The following PDGFRB variants were observed in gnomAD, a reference collection of about 807,000 sequenced individuals.
PDGFRB encodes platelet-derived growth factor receptor beta.
Under a neutral mutation model 120.2 loss-of-function variants are expected in PDGFRB, and 42 were observed. The observed-to-expected ratio is 0.35, with a 90% CI of 0.27 to 0.45. The LOEUF is 0.45. Among genes scored for constraint, PDGFRB ranks in the 20% least tolerant of loss-of-function variants. The pLI is 1.00. For synonymous variants in PDGFRB, 586 were observed against 606.8 expected (o/e 0.97, Z 0.50); for missense variants, 1,149 against 1,476.3 (o/e 0.78, Z 3.63).
At chr5:150,118,926 G>GCCTC in intron 20 of PDGFRB, 74 bp from the exon 21 acceptor site, 3 of 860,048 alleles carry the variant, frequency 3.5e-6, no homozygotes, top group Non-Finnish European at 5.7e-6. Flanking sequence ...GGAGCAGGAG[G>GCCTC]CTGCTGCCTC....
At chr5:150,130,496 G>A in intron 9 of PDGFRB, 43 bp downstream of exon 9, 1 of 1,593,100 alleles carries the variant, frequency 6.3e-7, no homozygotes. Flanking sequence ...GCTTTTTCTA[G>A]CCAGCTGGGG....
At position 150,132,728 on chromosome 5, in the gene PDGFRB, G is replaced by A. The variant is rs1046381154; in HGVS notation, c.1127+22C>T. 1.2e-6 allele frequency: 2 copies of A among 1,604,316 alleles called. No individual in the cohort carries two copies. Among genetic ancestry groups the A allele is most frequent in the Non-Finnish European group, 1.7e-6 (2 of 1,173,804 alleles). The stretch of plus-strand genomic sequence containing the variant: ...CAAAGAAAAATAACTTCAAGAATGG[G>A]ATGGGAGAGCGAGCTGCTCACCGGG... On this transcript the variant is annotated intron_variant, in intron 7 of 22. Transcript: ENST00000261799. This position sits in a 1 kb window ranked among gnomAD's most constrained non-coding sequence, Gnocchi z 5.0.
rs550337874 is a variant in PDGFRB, at chr5:150,135,754, C to T, written c.165G>A (p.Ser55=). 63 of 1,613,834 alleles carry T rather than the reference C, an allele frequency of 3.9e-5. No homozygotes were observed. Among genetic ancestry groups the T allele is most frequent in the African/African-American group, 5.3e-5 (4 of 74,924 alleles). The part of the protein sequence containing the change: ...NVSSTFVLTC[S]GSAPVVWERM... ...GTTCCCACACCACCGGAGCTGAACCCGAGCAGGTCAGAACGAAGGTGCTGG... is the reference window on the plus strand; with the variant it reads ...GTTCCCACACCACCGGAGCTGAACCTGAGCAGGTCAGAACGAAGGTGCTGG... Residue 55 remains serine, a synonymous_variant, in exon 3 of 23, where the codon TCG becomes TCA. Coordinates refer to ENST00000261799, the MANE Select transcript of PDGFRB (RefSeq NM_002609.4).
chr5:150,144,675 C>T (rs532495020), intron 1 of PDGFRB, among the ~76,000 whole-genome samples: 1 of 152,178 alleles, frequency 6.6e-6, no homozygotes, highest in African/African-American at 2.4e-5. Flanking sequence ...CGTGGGAAAG[C>T]GCTCAGTGTG....
At chr5:150,151,067 T>C (rs1349277295) in intron 1 of PDGFRB, among the ~76,000 whole-genome samples, 1 of 152,146 alleles carries the variant, frequency 6.6e-6, no homozygotes, top group Non-Finnish European at 1.5e-5. Flanking sequence ...TTATTGCAGG[T>C]TAAAGTTTTC....
chr5:150,135,396 G>A (rs1281682471), intron 3 of PDGFRB, among the ~76,000 whole-genome samples, 159 bp downstream of exon 3: 1 of 152,084 alleles, frequency 6.6e-6, no homozygotes, highest in Non-Finnish European at 1.5e-5. Context: ...AGGAGTGGGT[G>A]CGAACACACT....
At chr5:150,136,631 G>T (rs1400961040) in intron 2 of PDGFRB, among the ~76,000 whole-genome samples, 1 of 152,120 alleles carries the variant, frequency 6.6e-6, no homozygotes, top group African/African-American at 2.4e-5. Context: ...TGAGGGGTGG[G>T]GTGTGCTGAG....
At chr5:150,149,485 G>C (rs1455612798) in intron 1 of PDGFRB, among the ~76,000 whole-genome samples, 1 of 152,090 alleles carries the variant, frequency 6.6e-6, no homozygotes, top group Non-Finnish European at 1.5e-5. Flanking sequence ...GAGGCCATCT[G>C]TCTGTCTCCA....
intron 4 of PDGFRB, among the ~76,000 whole-genome samples, chr5:150,134,409 A>G (rs1454993047): frequency 6.6e-6 from 1 of 152,214 alleles, no homozygotes; most frequent in Non-Finnish European, 1.5e-5. Context: ...GAGGGGAAGC[A>G]GGCTCAGAGA....
chr5:150,148,559 G>A (rs964732375), intron 1 of PDGFRB, among the ~76,000 whole-genome samples: 2 of 152,254 alleles, frequency 1.3e-5, no homozygotes, highest in Non-Finnish European at 2.9e-5. Context: ...GCAGGGATGG[G>A]AGCCCCGCCA....
rs1760654956 is a variant in PDGFRB, at chr5:150,137,070, G to T, written c.-6-17C>A. The T allele has an allele frequency of 1.2e-6, 2 of 1,610,970 alleles. No individual in the cohort carries two copies. The highest frequency in any genetic ancestry group is 4.5e-5 in the East Asian group (2 of 44,716). On this transcript the variant is annotated splice_polypyrimidine_tract_variant and intron_variant, in intron 1 of 22. Transcript: ENST00000261799. ...CATGGTGTCCTGCAGAGTTAAACAG[G>T]AGTCAGGGCCCAGGGCAGGTGGAGG... is the stretch of plus-strand genomic sequence containing the variant.
At chr5:150,135,929 T>C in intron 2 of PDGFRB, 51 bp from the exon 3 acceptor site, 1 of 1,359,990 alleles carries the variant, frequency 7.4e-7, no homozygotes, top group Non-Finnish European at 1.0e-6. Flanking sequence ...TCAGCACCTC[T>C]CCCAAGGCTG....
rs758716027 is a variant in PDGFRB, at chr5:150,124,320, C to T, written c.1953G>A (p.Glu651=). The stretch of plus-strand genomic sequence containing the variant: ...GCCCAAGGTGACTCATGATCTTCAG[C>T]TCCGACATAAGGGCTTGCTTCTCAC... The part of the protein sequence containing the change: ...RSSEKQALMS[E]LKIMSHLGPH... The change falls in exon 14 of 23, where the codon GAG becomes GAA. Residue 651 remains glutamate (E), a synonymous_variant. Coordinates refer to ENST00000261799, the MANE Select transcript of PDGFRB (RefSeq NM_002609.4). The T allele has an allele frequency of 2.5e-6, 4 of 1,614,076 alleles. No individual in the cohort carries two copies. The highest frequency in any genetic ancestry group is 3.3e-5 in the Admixed American group (2 of 60,002).
chr5:150,150,998 C>T (rs767697377), intron 1 of PDGFRB, among the ~76,000 whole-genome samples: 73 of 152,224 alleles, frequency 4.8e-4, no homozygotes, highest in Non-Finnish European at 7.2e-4. Context: ...GCCCTCTGAG[C>T]TCCTCAAGAA....
chr5:150,125,390 T>G, intron 12 of PDGFRB, 55 bp downstream of exon 12: 1 of 1,531,276 alleles, frequency 6.5e-7, no homozygotes, highest in South Asian at 1.2e-5. Context: ...CCTCAGAGAG[T>G]CTTCCCACCC....
At position 150,132,003 on chromosome 5, in the gene PDGFRB, G is replaced by T; in HGVS notation, c.1219C>A (p.Leu407Ile). Residue 407 changes from leucine to isoleucine, a missense_variant, in exon 8 of 23, where the codon CTC becomes ATC. Coordinates refer to ENST00000261799, the MANE Select transcript of PDGFRB (RefSeq NM_002609.4). This position sits in a 1 kb window ranked among gnomAD's most constrained non-coding sequence, Gnocchi z 5.0. Reference protein sequence around the residue: ...RAFHEDAEVQLSFQLQINVPV... With the variant: ...RAFHEDAEVQISFQLQINVPV... Reference sequence around the variant, plus strand: ...CCATTGATCTGTAGCTGGAAGGAGAGCTGGACCTCAGCATCCTCATGGAAG... The same window carrying T: ...CCATTGATCTGTAGCTGGAAGGAGATCTGGACCTCAGCATCCTCATGGAAG... 1 of 1,597,522 alleles carries T rather than the reference G, an allele frequency of 6.3e-7. No homozygotes were observed. The highest frequency in any genetic ancestry group is 8.6e-7 in the Non-Finnish European group (1 of 1,164,912).
chr5:150,149,520 T>C (rs1235886814), intron 1 of PDGFRB, among the ~76,000 whole-genome samples: 1 of 152,076 alleles, frequency 6.6e-6, no homozygotes, highest in Non-Finnish European at 1.5e-5. Flanking sequence ...CATCCATCCA[T>C]CCATCCACCC....
chr5:150,154,301 G>A (rs753062356), intron 1 of PDGFRB, among the ~76,000 whole-genome samples: 2 of 152,106 alleles, frequency 1.3e-5, no homozygotes, highest in East Asian at 3.9e-4. Context: ...TCTGACTGGC[G>A]GGAACAAAAG....
chr5:150,144,885 C>T (rs566163852), intron 1 of PDGFRB, among the ~76,000 whole-genome samples: 63 of 152,318 alleles, frequency 4.1e-4, no homozygotes, highest in Middle Eastern at 3.4e-3. Context: ...CCTGAGTCCC[C>T]CCACCCACCC....
Sources: gnomAD v4.1 joint callset for allele counts (sites outside exome capture counted in the v4.1 genomes callset) on GRCh38, gnomAD v4.1.1 for gene constraint, Gnocchi (gnomAD v3.1) non-coding constraint, MANE v1.5 for transcripts, NCBI Gene and HGNC (gene_info 2026-07-23, HGNC 2026-07-21) for gene names.